PPP1R17: variants seen among roughly 807,000 people sequenced by gnomAD.
PPP1R17 encodes protein phosphatase 1 regulatory subunit 17, also known as G-substrate.
A neutral mutation model predicts 15.9 loss-of-function variants in PPP1R17; 12 were observed. The ratio of observed to expected loss-of-function variants is 0.75; its 90% CI spans 0.48 to 1.22. PPP1R17 has a LOEUF of 1.22. PPP1R17 is among the 50% of genes most tolerant of loss of function. The probability of loss-of-function intolerance (pLI) is 0.00; values close to 1 mark genes in which losing one functional copy is unlikely to be tolerated. For missense variants in PPP1R17, 211 were observed against 187.3 expected, an observed-to-expected ratio of 1.13 and a Z score of -0.74; for synonymous variants, 63 against 64.5, an observed-to-expected ratio of 0.98 and a Z score of 0.11.
At position 31,695,484 on chromosome 7, in the gene PPP1R17, A is replaced by C; in HGVS notation, c.98A>C (p.Gln33Pro). 1.2e-6 allele frequency: 2 copies of C among 1,605,950 alleles called. No individual in the cohort carries two copies. The highest frequency in any genetic ancestry group is 1.7e-6 in the Non-Finnish European group (2 of 1,177,584). ...TCAAAATTAGATGATCTTTCAGACCAGTTCATTAAGGACTGTGATCTCAAA... is the reference window on the plus strand; with the variant it reads ...TCAAAATTAGATGATCTTTCAGACCCGTTCATTAAGGACTGTGATCTCAAA... Reference protein sequence around the residue: ...RCSHLDDLSDQFIKDCDLKKK... With the variant: ...RCSHLDDLSDPFIKDCDLKKK... The change falls in exon 3 of 5, where the codon CAG becomes CCG. Residue 33 changes from glutamine (Q) to proline (P), a missense_variant. Gln to Pro is a moderately conservative substitution (Grantham distance 76, BLOSUM62 -1). Transcript: ENST00000342032.
chr7:31,695,769 T>C (rs1215309391), intron 3 of PPP1R17, 148 bp downstream of exon 3: 5 of 731,840 alleles, frequency 6.8e-6, no homozygotes, highest in African/African-American at 3.6e-5. Context: ...AGTTACAATA[T>C]AGCAAGCTGC....
At chr7:31,687,796 C>T (rs1341606701) in intron 1 of PPP1R17, among the ~76,000 whole-genome samples, 1 of 152,126 alleles carries the variant, frequency 6.6e-6, no homozygotes, top group Non-Finnish European at 1.5e-5. Flanking sequence ...TTTTACATAG[C>T]CAGAGGGTGC....
Position 31,695,451 on chromosome 7 carries a change from G to A in PPP1R17, c.83-18G>A, listed in dbSNP as rs749303467. Reference sequence around the variant, plus strand: ...ATCATGTTATATTCTTTATTTCTTTGTATCCTGTCAAAATTAGATGATCTT... The same window carrying A: ...ATCATGTTATATTCTTTATTTCTTTATATCCTGTCAAAATTAGATGATCTT... On this transcript the variant is annotated intron_variant, in intron 2 of 4. Transcript: ENST00000342032. 1.5e-5 allele frequency: 24 copies of A among 1,586,206 alleles called. No homozygotes were observed. In the East Asian group the frequency reaches 3.1e-4, roughly 21 times the overall value.
chr7:31,695,818 A>T, intron 3 of PPP1R17, 197 bp downstream of exon 3: 1 of 423,422 alleles, frequency 2.4e-6, no homozygotes, highest in African/African-American at 2.6e-5. Context: ...GGCTTAATAC[A>T]ATAAAAGTTT....
intron 2 of PPP1R17, among the ~76,000 whole-genome samples, chr7:31,694,463 A>T (rs1792491357): frequency 6.6e-6 from 1 of 151,776 alleles, no homozygotes; most frequent in Non-Finnish European, 1.5e-5. Flanking sequence ...AGAGAATATT[A>T]GTTTCTAGAA....
At chr7:31,694,387 A>AACACACACACACACACACAC (rs533091870) in intron 2 of PPP1R17, among the ~76,000 whole-genome samples, 3,283 of 141,558 alleles carry the variant, frequency 0.023, 54 homozygotes, top group Middle Eastern at 0.039. Context: ...CTCTCTCTCA[A>AACACACACACACACACACAC]ACACACACAC....
chr7:31,687,711 C>G (rs567160127), intron 1 of PPP1R17, among the ~76,000 whole-genome samples: 1 of 152,286 alleles, frequency 6.6e-6, no homozygotes, highest in South Asian at 2.1e-4. Flanking sequence ...ATGAACAAAT[C>G]TGATTTTAAA....
intron 3 of PPP1R17, 196 bp downstream of exon 3, chr7:31,695,817 C>A (rs60396828): frequency 1.7e-4 from 72 of 426,426 alleles, no homozygotes; most frequent in African/African-American, 1.5e-3. Context: ...GGGCTTAATA[C>A]AATAAAAGTT....
intron 1 of PPP1R17, among the ~76,000 whole-genome samples, chr7:31,689,018 A>T (rs948045341): frequency 6.6e-6 from 1 of 152,236 alleles, no homozygotes; most frequent in Non-Finnish European, 1.5e-5. Context: ...TAGTGTGAAT[A>T]TTCATAGTTT....
In PPP1R17 at chr7:31,691,671, T is replaced by A. The variant is rs1792348969; in HGVS notation, c.-36-735T>A. Among the ~76,000 whole-genome samples, 5 of 151,796 alleles carry A rather than the reference T, an allele frequency of 3.3e-5. No individual in the cohort carries two copies. The South Asian group carries it at 1.0e-3, about 32-fold the overall frequency. Reference sequence around the variant, plus strand: ...GACAGATTTGTTCTCATGTCTGGAATCCCTAGGGAGAAAATAAAGATCTAT... The same window carrying A: ...GACAGATTTGTTCTCATGTCTGGAAACCCTAGGGAGAAAATAAAGATCTAT... On this transcript the variant is annotated intron_variant, in intron 1 of 4. Transcript: ENST00000342032.
chr7:31,694,571 C>T (rs1792496052), intron 2 of PPP1R17, among the ~76,000 whole-genome samples: 1 of 152,080 alleles, frequency 6.6e-6, no homozygotes, highest in Non-Finnish European at 1.5e-5. Context: ...CCATTTATTG[C>T]AGGGAGAGGC....
chr7:31,703,719 C>T (rs545105815), intron 4 of PPP1R17, among the ~76,000 whole-genome samples: 16 of 152,300 alleles, frequency 1.1e-4, no homozygotes, highest in African/African-American at 3.4e-4. Context: ...GAGAGAAACT[C>T]GCAGACAAAT....
Position 31,697,055 on chromosome 7 carries a change from T to C in PPP1R17, c.326T>C (p.Leu109Pro). The C allele has an allele frequency of 6.2e-7, 1 of 1,614,120 alleles. No homozygotes were observed. The highest frequency in any genetic ancestry group is 1.6e-4 in the Middle Eastern group (1 of 6,062). Residue 109 changes from leucine to proline, a missense_variant, in exon 4 of 5, where the codon CTG (leucine) becomes CCG (proline). By Grantham distance (98) the Leu-to-Pro change is moderately conservative. Transcript: ENST00000342032. ...KMIPVLHNTD[L>P]EQKKPRRKDT... ...ATCCCTGTTCTTCATAACACTGACC[T>C]GGAACAGAAAAAGCCAAGGAGAAAA...
chr7:31,687,911 A>C (rs1792173238), intron 1 of PPP1R17, among the ~76,000 whole-genome samples: 1 of 152,208 alleles, frequency 6.6e-6, no homozygotes, highest in Admixed American at 6.5e-5. Flanking sequence ...AGAATACCGT[A>C]TGGTAAGCTA....
Position 31,699,818 on chromosome 7 carries a change from G to A in PPP1R17, c.388+2701G>A, listed in dbSNP as rs373786533. Among the ~76,000 whole-genome samples, 6 of 151,870 alleles carry A rather than the reference G, an allele frequency of 4.0e-5. No individual in the cohort carries two copies. The South Asian group carries it at 1.3e-3, about 32-fold the overall frequency. On this transcript the variant is annotated intron_variant, in intron 4 of 4. Transcript: ENST00000342032. Reference sequence around the variant, plus strand: ...TTATTATCATTATTATATCTTTTATGGTGATCTGTGATCAGTGATGTTTGA... The same window carrying A: ...TTATTATCATTATTATATCTTTTATAGTGATCTGTGATCAGTGATGTTTGA...
At chr7:31,688,788 A>G (rs987107354) in intron 1 of PPP1R17, among the ~76,000 whole-genome samples, 6 of 152,194 alleles carry the variant, frequency 3.9e-5, no homozygotes, top group Admixed American at 6.5e-5. Flanking sequence ...CCCTGAAATC[A>G]TATCTCTTGG....
At chr7:31,706,846 T>C (rs1175014706) in intron 4 of PPP1R17, among the ~76,000 whole-genome samples, 2 of 152,214 alleles carry the variant, frequency 1.3e-5, no homozygotes, top group African/African-American at 4.8e-5. Flanking sequence ...GTGAATGTGT[T>C]TTCTGGCCCA....
rs1027389948 is a variant in PPP1R17 at position 31,707,453 on chromosome 7, C to G, written c.*170C>G. ...ATCAAATTGCCAGTCACCTCTTTGTCTCTCTCTTCTTTCTGAGTATGGTTT... is the reference window on the plus strand; with the variant it reads ...ATCAAATTGCCAGTCACCTCTTTGTGTCTCTCTTCTTTCTGAGTATGGTTT... On this transcript the variant is annotated 3_prime_UTR_variant, in exon 5 of 5. Transcript: ENST00000342032. The G allele has an allele frequency of 1.7e-6, 1 of 586,848 alleles. No homozygotes were observed. Among genetic ancestry groups the G allele is most frequent in the Non-Finnish European group, 3.0e-6 (1 of 331,534 alleles). The allele number at this position is 586,848 out of a possible 1,614,324, so 36.4% of individuals were successfully genotyped here.
chr7:31,689,918 C>G (rs969520887), intron 1 of PPP1R17, among the ~76,000 whole-genome samples: 2 of 152,186 alleles, frequency 1.3e-5, no homozygotes, highest in African/African-American at 2.4e-5. Flanking sequence ...TGCTGGTTCA[C>G]CACCACCATT....
Sources: allele counts gnomAD v4.1 joint callset (sites outside exome capture counted in the v4.1 genomes callset), GRCh38; gene constraint gnomAD v4.1.1; transcripts MANE v1.5; gene names NCBI Gene and HGNC (gene_info 2026-07-23, HGNC 2026-07-21).